The following ADRA1A variants were observed in gnomAD, a reference collection of about 807,000 sequenced individuals.
ADRA1A encodes the protein adrenoceptor alpha 1A, also known as alpha-1A adrenergic receptor.
A neutral mutation model predicts 29.6 loss-of-function variants in ADRA1A; 31 were observed. The observed-to-expected ratio is 1.05, with a 90% CI of 0.79 to 1.41. The LOEUF is 1.41. Among genes scored for constraint, ADRA1A ranks in the 40% most tolerant of loss-of-function variants. ADRA1A has a pLI of 0.00. For missense variants in ADRA1A, 619 were observed against 601.1 expected, an observed-to-expected ratio of 1.03 and a Z score of -0.31; for synonymous variants, 311 against 254.3, an observed-to-expected ratio of 1.22 and a Z score of -2.12.
intron 2 of ADRA1A, chr8:26,858,925 C>T (rs1393180824): frequency 1.7e-5 from 10 of 587,432 alleles, no homozygotes; most frequent in Non-Finnish European, 2.4e-5. Context: ...TCATGCTATT[C>T]AATGCAGCAA....
intron 2 of ADRA1A, among the ~76,000 whole-genome samples, chr8:26,861,742 CTATT>C (rs942616521): frequency 1.3e-5 from 2 of 152,166 alleles, no homozygotes; most frequent in African/African-American, 4.8e-5. Context: ...AAGTGCATTA[CTATT>C]TACTCAGCTA....
At chr8:26,776,482 T>G (rs1806558364) in intron 2 of ADRA1A, among the ~76,000 whole-genome samples, 1 of 152,212 alleles carries the variant, frequency 6.6e-6, no homozygotes, top group African/African-American at 2.4e-5. Context: ...AGATCAGAGC[T>G]GTCAACCTGT....
intron 2 of ADRA1A, among the ~76,000 whole-genome samples, chr8:26,813,138 A>G (rs1809531173): frequency 3.9e-5 from 6 of 152,150 alleles, no homozygotes; most frequent in Admixed American, 3.3e-4. Context: ...TAATAGTAAA[A>G]CATACTAGGG....
intron 2 of ADRA1A, among the ~76,000 whole-genome samples, chr8:26,830,159 C>G (rs907957839): frequency 6.6e-6 from 1 of 152,248 alleles, no homozygotes; most frequent in Admixed American, 6.5e-5. Context: ...CCAGAGCTGA[C>G]CCTGCTTCTC....
At chr8:26,791,131 C>T (rs1446317839) in intron 2 of ADRA1A, among the ~76,000 whole-genome samples, 1 of 152,078 alleles carries the variant, frequency 6.6e-6, no homozygotes. Context: ...ATGTCATGAA[C>T]ATTTTGCTAT....
intron 2 of ADRA1A, among the ~76,000 whole-genome samples, chr8:26,826,017 C>CAA: frequency 6.6e-6 from 1 of 152,206 alleles, no homozygotes; most frequent in Non-Finnish European, 1.5e-5. Flanking sequence ...GGCCAGCTCA[C>CAA]TTACACAATG....
At chr8:26,861,303 G>GT (rs35538353) in intron 2 of ADRA1A, among the ~76,000 whole-genome samples, 19,218 of 118,882 alleles carry the variant, frequency 0.16, 2,576 homozygotes, top group African/African-American at 0.29. Flanking sequence ...CAGAGGCTCT[G>GT]TTTTTTTTTT....
chr8:26,839,955 A>T (rs373993386), intron 2 of ADRA1A, among the ~76,000 whole-genome samples: 1 of 152,176 alleles, frequency 6.6e-6, no homozygotes, highest in South Asian at 2.1e-4. Context: ...TGTTCTCTAT[A>T]GGAGACACCT....
chr8:26,826,805 C>T (rs369032032), intron 2 of ADRA1A, among the ~76,000 whole-genome samples: 202 of 152,308 alleles, frequency 1.3e-3, no homozygotes, highest in Middle Eastern at 6.8e-3. Context: ...CAGTCTGATT[C>T]CTGAATTTGA....
At chr8:26,833,868 C>A (rs375883748) in intron 2 of ADRA1A, among the ~76,000 whole-genome samples, 56 of 152,284 alleles carry the variant, frequency 3.7e-4, no homozygotes, top group African/African-American at 1.2e-3. Context: ...AATAGGATAT[C>A]TTCATGTATT....
intron 2 of ADRA1A, among the ~76,000 whole-genome samples, chr8:26,832,208 A>T (rs1050048971): frequency 6.6e-6 from 1 of 152,190 alleles, no homozygotes; most frequent in African/African-American, 2.4e-5. Flanking sequence ...TCATGGTGAG[A>T]ACAAGCAGCA....
At chr8:26,843,639 A>G (rs1281020619) in intron 2 of ADRA1A, among the ~76,000 whole-genome samples, 1 of 152,220 alleles carries the variant, frequency 6.6e-6, no homozygotes, top group Non-Finnish European at 1.5e-5. Context: ...TCATCAACAT[A>G]TAGAGGAACT....
At chr8:26,752,093 G>A (rs1804946859), downstream of ADRA1A, among the ~76,000 whole-genome samples, 1 of 151,804 alleles carries the variant, frequency 6.6e-6, no homozygotes, top group African/African-American at 2.4e-5. Context: ...TTTCCAGAGA[G>A]CTCATTGGCA....
downstream of ADRA1A, chr8:26,765,754 A>G: frequency 8.8e-7 from 1 of 1,135,340 alleles, no homozygotes; most frequent in Non-Finnish European, 1.1e-6. Flanking sequence ...ACAAGTATTC[A>G]CACACAGAGG....
rs572358355 is a variant in ADRA1A at position 26,815,078 on chromosome 8, G to C, written c.884-44412C>G. Reference sequence around the variant, plus strand: ...TCACTGTAGTAATTTAGAAAAACATGTTTTATTTCTTTTATTGGTCAATAT... The same window carrying C: ...TCACTGTAGTAATTTAGAAAAACATCTTTTATTTCTTTTATTGGTCAATAT... On this transcript the variant is annotated intron_variant, in intron 2 of 2. Transcript: ENST00000380573. This position sits in a 1 kb window ranked among gnomAD's most constrained non-coding sequence, Gnocchi z 4.2. Among the ~76,000 whole-genome samples the C allele has an allele frequency of 1.3e-5, 2 of 152,212 alleles. No individual in the cohort carries two copies. Among genetic ancestry groups the C allele is most frequent in the Non-Finnish European group, 2.9e-5 (2 of 67,998 alleles).
chr8:26,750,979 G>T (rs1804897810), intron 2 of ADRA1A, among the ~76,000 whole-genome samples: 1 of 151,120 alleles, frequency 6.6e-6, no homozygotes, highest in Non-Finnish European at 1.5e-5. Flanking sequence ...TGAGGCAGGA[G>T]AATCACTTGA....
At chr8:26,858,709 G>C (rs114201367) in intron 2 of ADRA1A, among the ~76,000 whole-genome samples, 1 of 152,190 alleles carries the variant, frequency 6.6e-6, no homozygotes, top group Non-Finnish European at 1.5e-5. Flanking sequence ...GGCTGACACC[G>C]TCATAGTCTC....
chr8:26,777,595 C>T (rs1049858220), intron 2 of ADRA1A, among the ~76,000 whole-genome samples: 4 of 152,190 alleles, frequency 2.6e-5, no homozygotes, highest in Admixed American at 6.5e-5. Context: ...GTACAGCTCT[C>T]CATTCATGTA....
intron 2 of ADRA1A, among the ~76,000 whole-genome samples, chr8:26,840,615 A>G (rs1079079): frequency 3.9e-4 from 58 of 149,878 alleles, no homozygotes; most frequent in African/African-American, 1.4e-3. Context: ...TGCCCTGTGG[A>G]ATTTGGCAAA....
Sources: gnomAD v4.1 joint callset for allele counts (sites outside exome capture counted in the v4.1 genomes callset) on GRCh38, gnomAD v4.1.1 for gene constraint, Gnocchi (gnomAD v3.1) non-coding constraint, MANE v1.5 for transcripts, NCBI Gene and HGNC (gene_info 2026-07-23, HGNC 2026-07-21) for gene names.